Variants in WIZ observed in about 807,000 individuals in gnomAD.
The protein encoded by WIZ is protein Wiz.
A neutral mutation model predicts 140.2 loss-of-function variants in WIZ; 25 were observed. The observed-to-expected ratio is 0.18, with a 90% CI of 0.13 to 0.25. The LOEUF is 0.25. Ranked by LOEUF, WIZ falls within the 10% of genes least tolerant of loss-of-function variation. The pLI, the probability that WIZ is intolerant of heterozygous loss-of-function variation, is 1.00. For missense variants in WIZ, 2,231 were observed against 2,632.6 expected, an observed-to-expected ratio of 0.85 and a Z score of 3.34; for synonymous variants, 1,125 against 1,154.3, an observed-to-expected ratio of 0.97 and a Z score of 0.51.
Position 15,424,415 on chromosome 19 carries a change from GGT to G in WIZ, c.5315-39_5315-38del. 6.3e-7 allele frequency: 1 copy of G among 1,587,764 alleles called. No individual in the cohort carries two copies. Among genetic ancestry groups the G allele is most frequent in the Non-Finnish European group, 8.5e-7 (1 of 1,171,022 alleles). ...AGGGGGACGGGAGATGAGTGGGAGG[GGT>G]GGATGCTGCAGAGACTTGGAATACA... is the stretch of plus-strand genomic sequence containing the variant. On this transcript the variant is annotated intron_variant, in intron 11 of 12. Transcript: ENST00000673675. The surrounding 1 kb of genome is among the most constrained non-coding windows in gnomAD (Gnocchi z 9.7).
Position 15,425,639 on chromosome 19 carries a change from T to C in WIZ, c.4496A>G (p.Asn1499Ser), listed in dbSNP as rs755997397. Residue 1499 changes from asparagine (N) to serine (S), a missense_variant, in exon 10 of 13, where the codon AAT (asparagine) becomes AGT (serine). Asn to Ser is a conservative substitution (Grantham distance 46, BLOSUM62 1). This residue lies in a region of WIZ where 393 missense variants were observed against 451.7 expected (regional missense o/e 0.87). Coordinates refer to ENST00000673675, the MANE Select transcript of WIZ (RefSeq NM_001371589.1). The stretch of plus-strand genomic sequence containing the variant: ...TCGCAGTGTGTCGATGGGCGAACCA[T>C]TGACGGACCACTCGGTCACACCCAT... ...RQMGVTEWSV[N>S]GSPIDTLREI... 3.1e-6 allele frequency: 5 copies of C among 1,613,270 alleles called. No homozygotes were observed. The highest frequency in any genetic ancestry group is 3.4e-6 in the Non-Finnish European group (4 of 1,179,854).
chr19:15,430,188 T>A, intron 6 of WIZ, 99 bp from the exon 7 acceptor site: 1 of 1,423,670 alleles, frequency 7.0e-7, no homozygotes, highest in South Asian at 1.5e-5. Flanking sequence ...CCAGGCTCCA[T>A]GGAAGTGTTT....
intron 2 of WIZ, among the ~76,000 whole-genome samples, chr19:15,444,299 G>C (rs1409769009): frequency 5.3e-5 from 8 of 152,170 alleles, no homozygotes. Flanking sequence ...CACTGGCTGA[G>C]GGTCCTTCTT....
rs1968323994 is a variant in WIZ, at chr19:15,420,356, GTGT to G, written c.*2717_*2719del. On this transcript the variant is annotated 3_prime_UTR_variant, in exon 13 of 13. Transcript: ENST00000673675. ...CATACGGAACAAAGCCACTTCTGAT[GTGT>G]TAAGTGAGCAAACTCCAAACATGAA... The G allele has an allele frequency of 6.6e-6, 1 of 152,238 alleles. No homozygotes were observed. The allele number at this position is 152,238 out of a possible 1,614,324, so 9.4% of individuals were successfully genotyped here. A position where few individuals can be genotyped will look rare whatever the true frequency, so the allele number is the denominator to read the frequency against.
intron 9 of WIZ, among the ~76,000 whole-genome samples, chr19:15,426,077 C>T (rs1191775237): frequency 6.6e-6 from 1 of 151,732 alleles, no homozygotes; most frequent in African/African-American, 2.4e-5. Flanking sequence ...TCTGCTTGTT[C>T]TGTCACTTCA....
chr19:15,446,049 T>G (rs1222568549), intron 2 of WIZ, among the ~76,000 whole-genome samples: 1 of 152,150 alleles, frequency 6.6e-6, no homozygotes, highest in Non-Finnish European at 1.5e-5. Flanking sequence ...CCAGGCATTC[T>G]TCCAACATTC....
In WIZ at chr19:15,439,973, G is replaced by A; in HGVS notation, c.1021C>T (p.Pro341Ser). ...AGGTCCGCAGGGGGCTCCTGGCCCG[G>A]GGCTCGGCGGTGCTGGCTCATGTGC... Reference protein sequence around the residue: ...LEHMSQHRRAPGQEPPADLAP... With the variant: ...LEHMSQHRRASGQEPPADLAP... The change falls in exon 4 of 13, where the codon CCG becomes TCG. Residue 341 changes from proline (P) to serine (S), a missense_variant. By Grantham distance (74) the Pro-to-Ser change is moderately conservative (BLOSUM62 -1). Transcript: ENST00000673675. The surrounding 1 kb of genome is among the most constrained non-coding windows in gnomAD (Gnocchi z 7.0). 2 of 1,535,784 alleles carry A rather than the reference G, an allele frequency of 1.3e-6. No homozygotes were observed. The highest frequency in any genetic ancestry group is 1.7e-6 in the Non-Finnish European group (2 of 1,146,758).
At chr19:15,444,657 G>A (rs1969854745) in intron 2 of WIZ, among the ~76,000 whole-genome samples, 1 of 152,210 alleles carries the variant, frequency 6.6e-6, no homozygotes, top group Non-Finnish European at 1.5e-5. Flanking sequence ...TTTAGGATGG[G>A]GGTGTTGGAG....
At position 15,427,001 on chromosome 19, in the gene WIZ, G is replaced by A. The variant is rs770547994; in HGVS notation, c.4347C>T (p.Asp1449=). 6.2e-7 allele frequency: 1 copy of A among 1,613,366 alleles called. No homozygotes were observed. Residue 1449 remains aspartate, a synonymous_variant, in exon 9 of 13, where the codon GAC becomes GAT. Transcript: ENST00000673675. This position sits in a 1 kb window ranked among gnomAD's most constrained non-coding sequence, Gnocchi z 6.4. ...ACTTACACAGGTTCAGGGGTGTCAT[G>A]TCTTCCCGTGGTGCCCCCCAGGGAC... ...SEGPWGAPRE[D]MTPLNLSSRA...
rs953027113 is a variant in WIZ, at chr19:15,442,518, C to T, written c.278+158G>A. Among the ~76,000 whole-genome samples the T allele has an allele frequency of 6.6e-5, 10 of 152,288 alleles. No homozygotes were observed. The highest frequency in any genetic ancestry group is 4.1e-4 in the South Asian group (2 of 4,830). On this transcript the variant is annotated intron_variant, in intron 3 of 12. Coordinates refer to ENST00000673675, the MANE Select transcript of WIZ (RefSeq NM_001371589.1). The surrounding 1 kb of genome is among the most constrained non-coding windows in gnomAD (Gnocchi z 5.5). ...CCAGACCTCCCCCAACCCCAGCACA[C>T]GCCCAGGGGCTTGCCTGCCGGGAGC...
chr19:15,435,518 G>T (rs969787794), intron 5 of WIZ, among the ~76,000 whole-genome samples: 2 of 152,196 alleles, frequency 1.3e-5, no homozygotes, highest in Middle Eastern at 6.3e-3. Context: ...AGGTCTGCCG[G>T]ATAAAGCAAA....
At position 15,422,583 on chromosome 19, in the gene WIZ, G is replaced by C. The variant is rs1440019324; in HGVS notation, c.*493C>G. 1 of 153,740 alleles carries C rather than the reference G, an allele frequency of 6.5e-6. No individual in the cohort carries two copies. The highest frequency in any genetic ancestry group is 2.4e-5 in the African/African-American group (1 of 41,522). The allele number at this position is 153,740 out of a possible 1,614,324, so 9.5% of individuals were successfully genotyped here. A position where few individuals can be genotyped will look rare whatever the true frequency, so the allele number is the denominator to read the frequency against. ...GCAAGCACCGTGGCATGATGTGGTC[G>C]TTCAACCCAGGAACTGGGGGTCCGG... is the stretch of plus-strand genomic sequence containing the variant. On this transcript the variant is annotated 3_prime_UTR_variant, in exon 13 of 13. Coordinates refer to ENST00000673675, the MANE Select transcript of WIZ (RefSeq NM_001371589.1).
At position 15,422,974 on chromosome 19, in the gene WIZ, G is replaced by C; in HGVS notation, c.*102C>G. On this transcript the variant is annotated 3_prime_UTR_variant, in exon 13 of 13. Coordinates refer to ENST00000673675, the MANE Select transcript of WIZ (RefSeq NM_001371589.1). Reference sequence around the variant, plus strand: ...GGGCGCCGGTTTGAGGTTTTGGCTTGCTCCTTTGGAAACGGAAAGAAAGAG... The same window carrying C: ...GGGCGCCGGTTTGAGGTTTTGGCTTCCTCCTTTGGAAACGGAAAGAAAGAG... The C allele has an allele frequency of 6.6e-7, 1 of 1,505,354 alleles. No homozygotes were observed. Among genetic ancestry groups the C allele is most frequent in the Non-Finnish European group, 8.9e-7 (1 of 1,126,732 alleles). 93.2% of individuals were successfully genotyped at this position (1,505,354 alleles called of 1,614,324 possible).
chr19:15,436,711 G>A (rs1178420892), intron 5 of WIZ, 95 bp downstream of exon 5: 50 of 1,294,734 alleles, frequency 3.9e-5, no homozygotes, highest in Non-Finnish European at 4.9e-5. Context: ...ATGCTTCCAG[G>A]AAAGCTGAGC....
chr19:15,430,096 G>A lies in WIZ; in HGVS notation c.2912-7C>T. On this transcript the variant is annotated splice_polypyrimidine_tract_variant and splice_region_variant and intron_variant, in intron 6 of 12. Coordinates refer to ENST00000673675, the MANE Select transcript of WIZ (RefSeq NM_001371589.1). ...CAGGTGGTCAGGCTCTGGGCTGAAG[G>A]GCAACACAGAGGCCGGGAGAGCAGG... 6.6e-7 allele frequency: 1 copy of A among 1,515,062 alleles called. No homozygotes were observed. Among genetic ancestry groups the A allele is most frequent in the Non-Finnish European group, 8.8e-7 (1 of 1,133,086 alleles). The allele number at this position is 1,515,062 out of a possible 1,614,324, so 93.9% of individuals were successfully genotyped here.
In WIZ at chr19:15,427,001, G is replaced by T; in HGVS notation, c.4347C>A (p.Asp1449Glu). 1.9e-6 allele frequency: 3 copies of T among 1,613,366 alleles called. No individual in the cohort carries two copies. Among genetic ancestry groups the T allele is most frequent in the Middle Eastern group, 1.7e-4 (1 of 6,006 alleles). Reference protein sequence around the residue: ...SEGPWGAPREDMTPLNLSSRA... With the variant: ...SEGPWGAPREEMTPLNLSSRA... ...ACTTACACAGGTTCAGGGGTGTCAT[G>T]TCTTCCCGTGGTGCCCCCCAGGGAC... The change falls in exon 9 of 13, where the codon GAC (aspartate) becomes GAA (glutamate). Residue 1449 changes from aspartate to glutamate, a missense_variant. Transcript: ENST00000673675. This position sits in a 1 kb window ranked among gnomAD's most constrained non-coding sequence, Gnocchi z 6.4.
At chr19:15,431,917 C>T (rs1181217854) in intron 5 of WIZ, among the ~76,000 whole-genome samples, 1 of 152,168 alleles carries the variant, frequency 6.6e-6, no homozygotes, top group African/African-American at 2.4e-5. Flanking sequence ...CCTGGGAGGC[C>T]AGTTGAACTC....
Position 15,444,995 on chromosome 19 carries a change from T to C in WIZ, c.206-2247A>G, listed in dbSNP as rs548585901. Among the ~76,000 whole-genome samples the C allele has an allele frequency of 5.3e-5, 8 of 152,306 alleles. No individual in the cohort carries two copies. The South Asian group carries it at 8.3e-4, about 16-fold the overall frequency. The stretch of plus-strand genomic sequence containing the variant: ...CTCCTATTTTTAGTGGCAGTGACTT[T>C]GGAGGAAGCAGGCCAAGCAGTGCCC... On this transcript the variant is annotated intron_variant, in intron 2 of 12. Transcript: ENST00000673675.
At chr19:15,443,003 C>T (rs1969797307) in intron 2 of WIZ, among the ~76,000 whole-genome samples, 1 of 152,184 alleles carries the variant, frequency 6.6e-6, no homozygotes, top group Non-Finnish European at 1.5e-5. Context: ...ACCCAGCAGC[C>T]AGGGTGGTTT....
Sources: gnomAD v4.1 joint callset for allele counts (sites outside exome capture counted in the v4.1 genomes callset) on GRCh38, gnomAD v4.1.1 for gene constraint, gnomAD v4.1.1 regional missense constraint, Gnocchi (gnomAD v3.1) non-coding constraint, MANE v1.5 for transcripts, NCBI Gene and HGNC (gene_info 2026-07-23, HGNC 2026-07-21) for gene names.